DSCAM: variants seen among roughly 807,000 people sequenced by gnomAD.
The protein encoded by DSCAM is cell adhesion molecule DSCAM.
A neutral mutation model predicts 217.7 loss-of-function variants in DSCAM; 47 were observed. The observed-to-expected ratio is 0.22, with a 90% CI of 0.17 to 0.28. DSCAM has a LOEUF of 0.28. DSCAM is among the 10% of genes least tolerant of loss of function. DSCAM has a pLI of 1.00. For missense variants in DSCAM, 2,080 were observed against 2,618.3 expected (o/e 0.79, Z 4.49); for synonymous variants, 1,056 against 1,015.3 (o/e 1.04, Z -0.76).
At chr21:40,597,500 C>CTTTTTTTTTTTTTTTTTTTT (rs10530311) in intron 3 of DSCAM, among the ~76,000 whole-genome samples, 1 of 75,854 alleles carries the variant, frequency 1.3e-5, no homozygotes, top group Non-Finnish European at 2.3e-5. Context: ...CAGTAATAGG[C>CTTTTTTTTTTTTTTTTTTTT]TTTTTTTTTT....
In DSCAM at chr21:40,825,506, C is replaced by T. The variant is rs1419852513; in HGVS notation, c.43+21113G>A. Reference sequence around the variant, plus strand: ...CTAATTTTTGTATTTTTAGTAGAGACGGGGTTTCACCATGCTGGCCAGGCT... The same window carrying T: ...CTAATTTTTGTATTTTTAGTAGAGATGGGGTTTCACCATGCTGGCCAGGCT... On this transcript the variant is annotated intron_variant, in intron 1 of 32. Coordinates refer to ENST00000400454, the MANE Select transcript of DSCAM (RefSeq NM_001389.5). Among the ~76,000 whole-genome samples, 6 of 151,906 alleles carry T rather than the reference C, an allele frequency of 3.9e-5. 1 individual carries two copies. The highest frequency in any genetic ancestry group is 4.2e-4 in the South Asian group (2 of 4,810).
intron 11 of DSCAM, among the ~76,000 whole-genome samples, chr21:40,238,489 G>C (rs1458521574): frequency 6.6e-6 from 1 of 152,216 alleles, no homozygotes; most frequent in East Asian, 1.9e-4. Context: ...AGAGGGGATA[G>C]AGGTGTTCAC....
chr21:40,387,366 C>CA (rs949482203), intron 3 of DSCAM, among the ~76,000 whole-genome samples: 4,726 of 135,272 alleles, frequency 0.035, 165 homozygotes, highest in African/African-American at 0.099. Context: ...ATTGGACCTC[C>CA]AAAAAAAAAA....
chr21:40,720,419 G>A lies in DSCAM; in HGVS notation c.44-11648C>T, dbSNP rs73360425. Among the ~76,000 whole-genome samples, 569 of 152,210 alleles carry A rather than the reference G, an allele frequency of 3.7e-3. 2 individuals are homozygous for A. Among genetic ancestry groups the A allele is most frequent in the African/African-American group, 0.013 (538 of 41,538 alleles). On this transcript the variant is annotated intron_variant, in intron 1 of 32. Coordinates refer to ENST00000400454, the MANE Select transcript of DSCAM (RefSeq NM_001389.5). ...TTAAATGATGGGCTTATAATGACTTGGAAAGCATTCCAAGGCTTCTATGAA... is the reference window on the plus strand; with the variant it reads ...TTAAATGATGGGCTTATAATGACTTAGAAAGCATTCCAAGGCTTCTATGAA...
intron 1 of DSCAM, among the ~76,000 whole-genome samples, chr21:40,780,421 G>GTATATATATATATATA (rs1490666344): frequency 0.013 from 615 of 47,780 alleles, 4 homozygotes; most frequent in African/African-American, 0.056. Context: ...GTGTGTGTGT[G>GTATATATATATATATA]TGTATATATA....
chr21:40,303,693 A>G (rs2123468319), intron 9 of DSCAM, among the ~76,000 whole-genome samples: 1 of 152,268 alleles, frequency 6.6e-6, no homozygotes, highest in East Asian at 1.9e-4. Context: ...AGAATGAATG[A>G]ATGAAGTAAA....
chr21:40,028,217 C>G (rs931022737), intron 32 of DSCAM, among the ~76,000 whole-genome samples: 1 of 111,582 alleles, frequency 9.0e-6, no homozygotes, highest in African/African-American at 3.5e-5. Flanking sequence ...GCAGTCTGCC[C>G]TTCTCAGATG....
intron 11 of DSCAM, among the ~76,000 whole-genome samples, chr21:40,275,263 G>A (rs1351284847): frequency 2.6e-5 from 4 of 152,070 alleles, no homozygotes; most frequent in Non-Finnish European, 4.4e-5. Context: ...TCAGGAGTTC[G>A]AGGGTGTAGT....
intron 3 of DSCAM, among the ~76,000 whole-genome samples, chr21:40,674,292 C>T (rs1407657334): frequency 1.3e-5 from 2 of 152,186 alleles, no homozygotes; most frequent in South Asian, 4.1e-4. Context: ...TCATAACCAA[C>T]AGAAAAATGC....
intron 11 of DSCAM, among the ~76,000 whole-genome samples, chr21:40,241,504 G>A (rs2073152785): frequency 6.6e-6 from 1 of 152,150 alleles, no homozygotes; most frequent in Non-Finnish European, 1.5e-5. Context: ...GTGCCGGTAA[G>A]GTTGCAGAGA....
chr21:40,806,320 GGTGCCCCGATTCTCCCA>G (rs1032249384), intron 1 of DSCAM, among the ~76,000 whole-genome samples: 4 of 151,906 alleles, frequency 2.6e-5, no homozygotes, highest in African/African-American at 9.6e-5. Flanking sequence ...TCAGATCTGT[GGTGCCCCGATTCTCCCA>G]GTGCCTGGCA....
intron 4 of DSCAM, among the ~76,000 whole-genome samples, chr21:40,365,936 TACTG>T (rs1383756342): frequency 4.0e-5 from 6 of 151,348 alleles, no homozygotes; most frequent in Non-Finnish European, 8.8e-5. Context: ...TTGTCTATTT[TACTG>T]ACTTTTTTTT....
At chr21:40,090,639 T>C (rs1382974321) in intron 21 of DSCAM, among the ~76,000 whole-genome samples, 1 of 152,098 alleles carries the variant, frequency 6.6e-6, no homozygotes, top group Non-Finnish European at 1.5e-5. Flanking sequence ...CTTTTCCCCT[T>C]TTCCTTTGCC....
At chr21:40,671,036 A>G (rs1203278630) in intron 3 of DSCAM, among the ~76,000 whole-genome samples, 1 of 152,242 alleles carries the variant, frequency 6.6e-6, no homozygotes, top group Non-Finnish European at 1.5e-5. Flanking sequence ...GAACTTAAAA[A>G]TACTACTTTG....
chr21:40,380,108 G>C (rs1569094895), intron 3 of DSCAM, among the ~76,000 whole-genome samples: 1 of 152,172 alleles, frequency 6.6e-6, no homozygotes, highest in Non-Finnish European at 1.5e-5. Flanking sequence ...AATTCTCTCA[G>C]TGAAATTCTC....
intron 1 of DSCAM, among the ~76,000 whole-genome samples, chr21:40,803,289 A>G (rs1256990636): frequency 2.0e-5 from 3 of 152,166 alleles, no homozygotes; most frequent in African/African-American, 7.2e-5. Context: ...TGACGTTCTC[A>G]TTGCCTCTGT....
chr21:40,235,553 T>C (rs1726019667), intron 11 of DSCAM, among the ~76,000 whole-genome samples: 1 of 152,078 alleles, frequency 6.6e-6, no homozygotes, highest in African/African-American at 2.4e-5. Context: ...AAACAGAATT[T>C]AGTTCTCAAG....
At chr21:40,806,592 C>T (rs2123521773) in intron 1 of DSCAM, among the ~76,000 whole-genome samples, 1 of 152,268 alleles carries the variant, frequency 6.6e-6, no homozygotes, top group South Asian at 2.1e-4. Context: ...GTGAATGCTA[C>T]AATATGTACA....
chr21:40,240,841 G>A (rs546645797), intron 11 of DSCAM, among the ~76,000 whole-genome samples: 1 of 152,128 alleles, frequency 6.6e-6, no homozygotes, highest in Non-Finnish European at 1.5e-5. Context: ...AAGCTTCTTG[G>A]GTGCAGAGAT....
Sources: gnomAD v4.1 joint callset for allele counts (sites outside exome capture counted in the v4.1 genomes callset) on GRCh38, gnomAD v4.1.1 for gene constraint, MANE v1.5 for transcripts, NCBI Gene and HGNC (gene_info 2026-07-23, HGNC 2026-07-21) for gene names.